Variants in PRUNE2 observed in about 807,000 individuals in gnomAD.
PRUNE2 encodes the protein prune homolog 2 with BCH domain, also known as protein prune homolog 2.
PRUNE2 carries 164 observed loss-of-function variants against 252.0 expected under a neutral mutation model. The ratio of observed to expected loss-of-function variants is 0.65; its 90% CI spans 0.57 to 0.74. The LOEUF (loss-of-function observed/expected upper bound fraction) is 0.74, where lower values mean the gene tolerates loss of function less well. Among genes scored for constraint, PRUNE2 ranks in the 30% least tolerant of loss-of-function variants. The pLI is 0.00. For synonymous variants in PRUNE2, 1,292 were observed against 1,350.2 expected, an observed-to-expected ratio of 0.96 and a Z score of 0.94; for missense variants, 3,495 against 3,711.0, an observed-to-expected ratio of 0.94 and a Z score of 1.51.
chr9:76,853,042 C>G (rs1049924020), intron 2 of PRUNE2, among the ~76,000 whole-genome samples: 1 of 152,088 alleles, frequency 6.6e-6, no homozygotes, highest in Admixed American at 6.6e-5. Context: ...GTCAAAATAC[C>G]AGTTAACAAA....
chr9:76,676,066 A>T (rs866133281), intron 9 of PRUNE2, among the ~76,000 whole-genome samples: 1,386 of 17,178 alleles, frequency 0.081, 12 homozygotes, highest in African/African-American at 0.097. Context: ...AAAGTATAAT[A>T]AAAAAAAAAC....
chr9:76,871,934 A>G lies in PRUNE2; in HGVS notation c.37-17726T>C, dbSNP rs557933848. On this transcript the variant is annotated intron_variant, in intron 1 of 18. Transcript: ENST00000376718. The stretch of plus-strand genomic sequence containing the variant: ...GTGAGCTACCACGTCCAGCCTAGTT[A>G]CGACAATTTTCTTAAAATTACGCTG... 2.0e-5 allele frequency among the ~76,000 whole-genome samples: 3 copies of G among 152,184 alleles called. No homozygotes were observed. The East Asian group carries it at 5.8e-4, about 29-fold the overall frequency.
At chr9:76,615,027 T>A in intron 18 of PRUNE2, 1 of 860,384 alleles carries the variant, frequency 1.2e-6, no homozygotes, top group Non-Finnish European at 1.4e-6. Context: ...TAGTAAGAAA[T>A]GGTAAACAAC....
intron 9 of PRUNE2, among the ~76,000 whole-genome samples, chr9:76,695,377 T>A (rs1277209411): frequency 6.6e-6 from 1 of 152,154 alleles, no homozygotes; most frequent in Non-Finnish European, 1.5e-5. Flanking sequence ...ATAATACCCA[T>A]GGTATAGGCA....
At chr9:76,673,141 A>C (rs943136088) in intron 9 of PRUNE2, among the ~76,000 whole-genome samples, 48 of 152,314 alleles carry the variant, frequency 3.2e-4, no homozygotes, top group African/African-American at 1.1e-3. Context: ...GATCAACAAA[A>C]TTGATAGACC....
At chr9:76,771,315 T>A (rs1028645673) in intron 6 of PRUNE2, among the ~76,000 whole-genome samples, 4 of 152,196 alleles carry the variant, frequency 2.6e-5, no homozygotes, top group African/African-American at 9.6e-5. Flanking sequence ...TTAATGCTGA[T>A]ACAATAACAA....
At chr9:76,743,657 C>T (rs949019830) in intron 6 of PRUNE2, among the ~76,000 whole-genome samples, 2 of 152,150 alleles carry the variant, frequency 1.3e-5, no homozygotes, top group African/African-American at 4.8e-5. Flanking sequence ...TCTTATTTGA[C>T]ATACTGTTAA....
At chr9:76,670,054 T>C (rs2041017926) in intron 9 of PRUNE2, among the ~76,000 whole-genome samples, 2 of 152,142 alleles carry the variant, frequency 1.3e-5, no homozygotes, top group South Asian at 2.1e-4. Context: ...GGAGCCAAGA[T>C]GGCCGAATAG....
At chr9:76,855,322 C>G (rs1301560567) in intron 1 of PRUNE2, among the ~76,000 whole-genome samples, 3 of 151,964 alleles carry the variant, frequency 2.0e-5, no homozygotes, top group Non-Finnish European at 4.4e-5. Context: ...ACTTTCCCCA[C>G]TTTTCATCAC....
At chr9:76,801,030 G>A (rs768804515) in intron 6 of PRUNE2, among the ~76,000 whole-genome samples, 11 of 152,110 alleles carry the variant, frequency 7.2e-5, no homozygotes, top group African/African-American at 1.2e-4. Context: ...CCAGTCAAAC[G>A]CAAAGGTTAC....
At chr9:76,638,708 TTC>T (rs778198335) in intron 12 of PRUNE2, among the ~76,000 whole-genome samples, 4 of 152,218 alleles carry the variant, frequency 2.6e-5, no homozygotes, top group Admixed American at 6.5e-5. Flanking sequence ...AAGAAAGAGA[TTC>T]TGTTTGATCC....
intron 1 of PRUNE2, among the ~76,000 whole-genome samples, chr9:76,886,189 A>T (rs536905091): frequency 2.9e-5 from 4 of 139,768 alleles, no homozygotes; most frequent in Admixed American, 7.2e-5. Context: ...CGTCTAAATT[A>T]AAAAAAAAAA....
intron 6 of PRUNE2, chr9:76,738,042 AC>A (rs2049234528): frequency 6.6e-6 from 1 of 152,222 alleles, no homozygotes; most frequent in Admixed American, 6.5e-5. Context: ...TTATTTAAAT[AC>A]CTACAGCTGT....
chr9:76,665,450 G>A (rs1328585791), intron 9 of PRUNE2, among the ~76,000 whole-genome samples: 1 of 151,994 alleles, frequency 6.6e-6, no homozygotes, highest in Non-Finnish European at 1.5e-5. Flanking sequence ...CCACAGAGTC[G>A]GGTCATGTCC....
rs570569478 is a variant in PRUNE2 at position 76,898,754 on chromosome 9, T to C, written c.36+7174A>G. Among the ~76,000 whole-genome samples, 17 of 152,326 alleles carry C rather than the reference T, an allele frequency of 1.1e-4. No individual in the cohort carries two copies. In the South Asian group the frequency reaches 2.7e-3, roughly 24 times the overall value. On this transcript the variant is annotated intron_variant, in intron 1 of 18. Transcript: ENST00000376718. ...AAGCACCAACATAGCTTTAAGCTTC[T>C]GGGAAGCCAAAGCAAGAAATATCAA...
intron 9 of PRUNE2, among the ~76,000 whole-genome samples, chr9:76,681,732 G>T (rs1388735804): frequency 6.6e-6 from 1 of 152,078 alleles, no homozygotes; most frequent in East Asian, 1.9e-4. Flanking sequence ...GCTCCCACAA[G>T]GAGCTATATC....
intron 1 of PRUNE2, among the ~76,000 whole-genome samples, chr9:76,882,480 G>A (rs2133316025): frequency 6.6e-6 from 1 of 152,294 alleles, no homozygotes; most frequent in South Asian, 2.1e-4. Context: ...TCACATTTCT[G>A]CAGGCTGTAC....
intron 1 of PRUNE2, among the ~76,000 whole-genome samples, chr9:76,897,941 T>A (rs1389730114): frequency 6.6e-6 from 1 of 152,196 alleles, no homozygotes; most frequent in African/African-American, 2.4e-5. Flanking sequence ...GCTAGTGGCC[T>A]TTTCATGTTT....
chr9:76,619,217 T>C lies in PRUNE2; in HGVS notation c.9236+123A>G, dbSNP rs1234734663. 29 of 620,168 alleles carry C rather than the reference T, an allele frequency of 4.7e-5. 1 individual carries two copies. The South Asian group carries it at 5.6e-4, about 12-fold the overall frequency. The allele number at this position is 620,168 out of a possible 1,614,324, so 38.4% of individuals were successfully genotyped here. A position where few individuals can be genotyped will look rare whatever the true frequency, so the allele number is the denominator to read the frequency against. On this transcript the variant is annotated intron_variant, in intron 18 of 18. Coordinates refer to ENST00000376718, the MANE Select transcript of PRUNE2 (RefSeq NM_015225.3). The stretch of plus-strand genomic sequence containing the variant: ...AGCTTCAGGTTTCTAATTTCAGGAA[T>C]GGAGCACAGGAAAGCTGAACATCTA...
Sources: gnomAD v4.1 joint callset for allele counts (sites outside exome capture counted in the v4.1 genomes callset) on GRCh38, gnomAD v4.1.1 for gene constraint, MANE v1.5 for transcripts, NCBI Gene and HGNC (gene_info 2026-07-23, HGNC 2026-07-21) for gene names.